SCGN: variants seen among roughly 807,000 people sequenced by gnomAD.
SCGN encodes the protein secretagogin.
SCGN carries 30 observed loss-of-function variants against 39.7 expected under a neutral mutation model. That is an observed-to-expected ratio of 0.76 (90% CI 0.57 to 1.03). The LOEUF is 1.03. Ranked by LOEUF, SCGN falls within the 50% of genes least tolerant of loss-of-function variation. SCGN has a pLI of 0.00. For missense variants in SCGN, 353 were observed against 349.4 expected, an observed-to-expected ratio of 1.01 and a Z score of -0.08; for synonymous variants, 106 against 114.1, an observed-to-expected ratio of 0.93 and a Z score of 0.45.
chr6:25,652,975 T>C (rs1375353286), intron 1 of SCGN, among the ~76,000 whole-genome samples: 2 of 152,200 alleles, frequency 1.3e-5, no homozygotes, highest in African/African-American at 2.4e-5. Context: ...AACTACTTAA[T>C]ATTTGTTTTT....
At chr6:25,693,242 G>A (rs1325437442) in intron 10 of SCGN, among the ~76,000 whole-genome samples, 3 of 152,040 alleles carry the variant, frequency 2.0e-5, no homozygotes, top group Non-Finnish European at 4.4e-5. Flanking sequence ...ACGAGGTCAG[G>A]AGATCGAGAC....
At chr6:25,700,755 C>T (rs1759901488) in intron 10 of SCGN, among the ~76,000 whole-genome samples, 1 of 152,148 alleles carries the variant, frequency 6.6e-6, no homozygotes, top group Non-Finnish European at 1.5e-5. Flanking sequence ...AATATTACAT[C>T]CCTAGCTCAA....
At chr6:25,665,247 G>A (rs982204472) in intron 4 of SCGN, among the ~76,000 whole-genome samples, 1 of 152,104 alleles carries the variant, frequency 6.6e-6, no homozygotes, top group Non-Finnish European at 1.5e-5. Flanking sequence ...GAGCTGACAG[G>A]CTCCTTTAAT....
rs192665523 is a variant in SCGN at position 25,653,988 on chromosome 6, A to G, written c.153+536A>G. ...AGAGCCCAGATACAAATGGAAGCCA[A>G]TCTATCTAGTGTCCATCTGATGGTA... On this transcript the variant is annotated intron_variant, in intron 2 of 10. Transcript: ENST00000377961. Among the ~76,000 whole-genome samples, 475 of 152,336 alleles carry G rather than the reference A, an allele frequency of 3.1e-3. 2 individuals are homozygous for G. The highest frequency in any genetic ancestry group is 5.3e-3 in the Non-Finnish European group (361 of 68,032).
At chr6:25,668,288 G>C (rs1290882330) in intron 4 of SCGN, among the ~76,000 whole-genome samples, 1 of 152,110 alleles carries the variant, frequency 6.6e-6, no homozygotes, top group African/African-American at 2.4e-5. Flanking sequence ...TTGATGTGAG[G>C]CTTGTCCATG....
chr6:25,681,878 T>C (rs1759640830), intron 6 of SCGN, 73 bp from the exon 7 acceptor site: 1 of 1,320,738 alleles, frequency 7.6e-7, no homozygotes, highest in East Asian at 2.3e-5. Context: ...AAGAGCAAAA[T>C]AGAAAAGTGC....
chr6:25,659,744 T>A (rs141263262), intron 2 of SCGN, among the ~76,000 whole-genome samples: 1 of 152,230 alleles, frequency 6.6e-6, no homozygotes, highest in Non-Finnish European at 1.5e-5. Flanking sequence ...ATTTGCCATA[T>A]GCTGTCTTCC....
At chr6:25,683,218 CCCA>C (rs1235919528) in intron 7 of SCGN, among the ~76,000 whole-genome samples, 1 of 152,180 alleles carries the variant, frequency 6.6e-6, no homozygotes, top group East Asian at 1.9e-4. Context: ...CTCCCTGGAT[CCCA>C]CCTGGTTCTC....
intron 2 of SCGN, among the ~76,000 whole-genome samples, chr6:25,659,924 G>A (rs1760306864): frequency 6.6e-6 from 1 of 152,120 alleles, no homozygotes; most frequent in African/African-American, 2.4e-5. Context: ...AGGACTGACA[G>A]CCCCTCCGAG....
chr6:25,674,712 G>A (rs1029267716), intron 6 of SCGN, among the ~76,000 whole-genome samples: 2 of 152,180 alleles, frequency 1.3e-5, no homozygotes, highest in Admixed American at 6.5e-5. Flanking sequence ...GTGAGTTAAG[G>A]CAGAATGACC....
In SCGN at chr6:25,667,803, A is replaced by C. The variant is rs75639901; in HGVS notation, c.337-1708A>C. On this transcript the variant is annotated intron_variant, in intron 4 of 10. Coordinates refer to ENST00000377961, the MANE Select transcript of SCGN (RefSeq NM_006998.4). ...AAAGATAGGCTTATTGAATAGTCAC[A>C]TAAAAATCTTTGGCTCTCCAATGGC... 3.9e-5 allele frequency among the ~76,000 whole-genome samples: 6 copies of C among 152,212 alleles called. No individual in the cohort carries two copies. The South Asian group carries it at 1.2e-3, about 31-fold the overall frequency.
chr6:25,697,545 C>CT (rs1397549355), intron 10 of SCGN, among the ~76,000 whole-genome samples: 2 of 152,072 alleles, frequency 1.3e-5, no homozygotes, highest in African/African-American at 4.8e-5. Flanking sequence ...TGGATATGAA[C>CT]TTTAATTATT....
chr6:25,657,438 C>T (rs1760246667), intron 2 of SCGN, among the ~76,000 whole-genome samples: 1 of 152,094 alleles, frequency 6.6e-6, no homozygotes, highest in Non-Finnish European at 1.5e-5. Context: ...CTGCCTGTTT[C>T]ACAGTGAAGA....
chr6:25,696,369 TC>T (rs1759837793), intron 10 of SCGN, among the ~76,000 whole-genome samples: 1 of 151,946 alleles, frequency 6.6e-6, no homozygotes, highest in Non-Finnish European at 1.5e-5. Flanking sequence ...CATTACAATA[TC>T]ATAGTATATT....
At chr6:25,681,924 A>G in intron 6 of SCGN, 27 bp from the exon 7 acceptor site, 1 of 1,594,380 alleles carries the variant, frequency 6.3e-7, no homozygotes. Context: ...TGTTACAAGT[A>G]CAACCATTTT....
At chr6:25,687,566 T>C (rs777156949) in intron 7 of SCGN, among the ~76,000 whole-genome samples, 9 of 152,168 alleles carry the variant, frequency 5.9e-5, no homozygotes, top group African/African-American at 9.6e-5. Context: ...GTATTAGCTC[T>C]AGTAGTTTTT....
At chr6:25,697,787 G>C (rs1759857029) in intron 10 of SCGN, among the ~76,000 whole-genome samples, 1 of 152,190 alleles carries the variant, frequency 6.6e-6, no homozygotes, top group Non-Finnish European at 1.5e-5. Context: ...TGTCCTATGA[G>C]ATGAAAGAGG....
intron 7 of SCGN, 89 bp downstream of exon 7, chr6:25,682,095 C>A: frequency 1.1e-6 from 1 of 947,854 alleles, no homozygotes; most frequent in Non-Finnish European, 1.7e-6. Context: ...GACTGGAGAT[C>A]AAGCCTCACC....
intron 3 of SCGN, 103 bp downstream of exon 3, chr6:25,661,747 C>A: frequency 1.3e-6 from 1 of 763,410 alleles, no homozygotes; most frequent in Non-Finnish European, 2.1e-6. Flanking sequence ...ACAATGGAAA[C>A]TTTACATTTG....
Sources: allele counts gnomAD v4.1 joint callset (sites outside exome capture counted in the v4.1 genomes callset), GRCh38; gene constraint gnomAD v4.1.1; transcripts MANE v1.5; gene names NCBI Gene and HGNC (gene_info 2026-07-23, HGNC 2026-07-21).